The following ARMC2 variants were observed in gnomAD, a reference collection of about 807,000 sequenced individuals.
ARMC2 encodes the protein armadillo repeat-containing protein 2.
In ARMC2, 67 loss-of-function variants were observed where a neutral mutation model predicts 90.3. That is an observed-to-expected ratio of 0.74 (90% confidence interval 0.61 to 0.91). The LOEUF (loss-of-function observed/expected upper bound fraction) is 0.91. Ranked by LOEUF, ARMC2 falls within the 40% of genes least tolerant of loss-of-function variation. The pLI, the probability that ARMC2 is intolerant of heterozygous loss-of-function variation, is 0.00. For synonymous variants in ARMC2, 393 were observed against 393.0 expected, an observed-to-expected ratio of 1.00 and a Z score of 0.00; for missense variants, 920 against 1,030.9, an observed-to-expected ratio of 0.89 and a Z score of 1.47.
intron 10 of ARMC2, among the ~76,000 whole-genome samples, chr6:108,919,514 A>G (rs940389645): frequency 2.7e-5 from 4 of 146,246 alleles, no homozygotes; most frequent in Non-Finnish European, 4.6e-5. Context: ...GTTCTTACAG[A>G]TAATTTTTTT....
intron 10 of ARMC2, among the ~76,000 whole-genome samples, chr6:108,923,628 T>C (rs1208781822): frequency 1.3e-5 from 2 of 151,590 alleles, no homozygotes; most frequent in African/African-American, 4.9e-5. Flanking sequence ...CTTTTTTTTT[T>C]TTTTTTCCTG....
chr6:108,894,793 G>T (rs1771436525), intron 6 of ARMC2, among the ~76,000 whole-genome samples: 2 of 122,686 alleles, frequency 1.6e-5, no homozygotes, highest in African/African-American at 3.1e-5. Flanking sequence ...TTGAGATGGA[G>T]TCTTGCTCTG....
At chr6:109,032,294 G>A in the ARMC2 span, among the ~76,000 whole-genome samples, 2 of 152,010 alleles carry the variant, frequency 1.3e-5, no homozygotes, top group Non-Finnish European at 2.9e-5. Context: ...AGAGTTTGGA[G>A]CATTTCAGAT....
the ARMC2 span, chr6:109,009,500 G>C: frequency 8.2e-7 from 1 of 1,214,818 alleles, no homozygotes; most frequent in African/African-American, 1.6e-5. Flanking sequence ...GAGGCGGCGA[G>C]CGCTGGGCAG....
Position 108,953,020 on chromosome 6 carries a change from T to C in ARMC2, c.1597-13T>C, listed in dbSNP as rs768873707. On this transcript the variant is annotated splice_polypyrimidine_tract_variant and intron_variant, in intron 12 of 17. Coordinates refer to ENST00000392644, the MANE Select transcript of ARMC2 (RefSeq NM_032131.6). ...CCCTTTGCACTTTTGACTCTGTCTT[T>C]CGTTTATTGCAGGATTTAGTCGTCC... 2.5e-6 allele frequency: 4 copies of C among 1,592,604 alleles called. No homozygotes were observed. The South Asian group carries it at 4.5e-5, about 18-fold the overall frequency.
the ARMC2 span, among the ~76,000 whole-genome samples, chr6:108,981,226 G>A: frequency 6.6e-6 from 1 of 151,840 alleles, no homozygotes; most frequent in Non-Finnish European, 1.5e-5. Flanking sequence ...GTAACTCATG[G>A]TGGGATCCCA....
the ARMC2 span, among the ~76,000 whole-genome samples, chr6:109,051,847 C>T: frequency 1.3e-5 from 2 of 152,168 alleles, no homozygotes; most frequent in Non-Finnish European, 2.9e-5. Flanking sequence ...AGAAGACAGT[C>T]GAACAAAGGC....
intron 3 of ARMC2, among the ~76,000 whole-genome samples, chr6:108,868,509 G>A (rs577406644): frequency 7.9e-5 from 12 of 152,270 alleles, no homozygotes; most frequent in South Asian, 2.1e-4. Context: ...GAGCCACTGC[G>A]CCCGGCCAAT....
In ARMC2 at chr6:108,898,450, G is replaced by T. The variant is rs530677700; in HGVS notation, c.749-1244G>T. On this transcript the variant is annotated intron_variant, in intron 6 of 17. Transcript: ENST00000392644. ...CTGACTTGATGTAGACCAAGTGCCG[G>T]ATAAAGGACTTAAGGGGTGGTCTTC... Among the ~76,000 whole-genome samples, 14 of 152,316 alleles carry T rather than the reference G, an allele frequency of 9.2e-5. No individual in the cohort carries two copies. In the South Asian group the frequency reaches 2.9e-3, roughly 32 times the overall value.
intron 12 of ARMC2, among the ~76,000 whole-genome samples, chr6:108,942,205 G>T (rs915447151): frequency 4.6e-5 from 7 of 152,244 alleles, no homozygotes; most frequent in South Asian, 4.1e-4. Context: ...AATTTTGAGT[G>T]TGTGAAATGC....
chr6:108,881,683 C>T (rs1390247974), intron 5 of ARMC2, among the ~76,000 whole-genome samples: 2 of 152,058 alleles, frequency 1.3e-5, no homozygotes, highest in Non-Finnish European at 2.9e-5. Flanking sequence ...CTCCTGGTTA[C>T]ATGTGAGCCA....
intron 7 of ARMC2, among the ~76,000 whole-genome samples, chr6:108,900,834 C>T (rs1772064599): frequency 6.6e-6 from 1 of 152,076 alleles, no homozygotes; most frequent in Non-Finnish European, 1.5e-5. Flanking sequence ...AGGTTATCTC[C>T]AAAGGCTTCT....
the ARMC2 span, chr6:109,008,785 TA>T: frequency 1.0e-6 from 1 of 985,456 alleles, no homozygotes. Context: ...AGGGATGGCT[TA>T]ATACGCAAGA....
chr6:108,963,453 T>C (rs1778140597), intron 15 of ARMC2, among the ~76,000 whole-genome samples: 1 of 152,224 alleles, frequency 6.6e-6, no homozygotes, highest in Non-Finnish European at 1.5e-5. Context: ...TGATGTTGCC[T>C]CTGTCAAGCT....
At chr6:108,950,538 C>T (rs764413655) in intron 12 of ARMC2, among the ~76,000 whole-genome samples, 11 of 152,112 alleles carry the variant, frequency 7.2e-5, no homozygotes, top group Non-Finnish European at 1.3e-4. Flanking sequence ...AAACCAAATA[C>T]CACAAGTTCT....
At chr6:109,035,217 C>T in the ARMC2 span, among the ~76,000 whole-genome samples, 1 of 152,020 alleles carries the variant, frequency 6.6e-6, no homozygotes, top group Non-Finnish European at 1.5e-5. Context: ...AAAGAACTGA[C>T]CCCAAAACAG....
chr6:108,869,138 C>A, intron 4 of ARMC2, 143 bp downstream of exon 4: 2 of 865,684 alleles, frequency 2.3e-6, no homozygotes, highest in Non-Finnish European at 3.3e-6. Context: ...CAAAAGCTGG[C>A]TAAGAAACAT....
the ARMC2 span, among the ~76,000 whole-genome samples, chr6:108,984,738 T>G: frequency 6.6e-6 from 1 of 152,232 alleles, no homozygotes; most frequent in Non-Finnish European, 1.5e-5. Flanking sequence ...TACAACTGAT[T>G]TTTGTGTGCT....
At chr6:108,921,274 G>T (rs887391473) in intron 10 of ARMC2, among the ~76,000 whole-genome samples, 1 of 152,078 alleles carries the variant, frequency 6.6e-6, no homozygotes, top group African/African-American at 2.4e-5. Flanking sequence ...GAAGTAACTG[G>T]CATAGAGGCA....
Sources: allele counts gnomAD v4.1 joint callset (sites outside exome capture counted in the v4.1 genomes callset), GRCh38; gene constraint gnomAD v4.1.1; transcripts MANE v1.5; gene names NCBI Gene and HGNC (gene_info 2026-07-23, HGNC 2026-07-21).